HCN4: variants seen among roughly 807,000 people sequenced by gnomAD.
The protein encoded by HCN4 is hyperpolarization activated cyclic nucleotide gated potassium channel 4.
HCN4 carries 29 observed loss-of-function variants against 76.9 expected under a neutral mutation model. The observed-to-expected ratio is 0.38, with a 90% CI of 0.28 to 0.51. HCN4 has a LOEUF of 0.51. Ranked by LOEUF, HCN4 falls within the 20% of genes least tolerant of loss-of-function variation. The pLI is 0.90. For synonymous variants in HCN4, 772 were observed against 762.5 expected (o/e 1.01, Z -0.21); for missense variants, 1,416 against 1,715.2 (o/e 0.83, Z 3.08).
intron 1 of HCN4, among the ~76,000 whole-genome samples, chr15:73,354,518 A>G (rs2043069159): frequency 6.6e-6 from 1 of 152,216 alleles, no homozygotes; most frequent in Admixed American, 6.5e-5. Context: ...ACAAGCACCC[A>G]GGTGATGCTG....
Position 73,332,269 on chromosome 15 carries a change from C to G in HCN4, c.1233G>C (p.Leu411=). The change falls in exon 3 of 8, where the codon CTG becomes CTC. Residue 411 remains leucine, a synonymous_variant. Coordinates refer to ENST00000261917, the MANE Select transcript of HCN4 (RefSeq NM_005477.3). ...WEEIFHMTYD[L]ASAVVRIVNL... ...TCACGATGCGCACCACGGCGCTGGC[C>G]AGGTCGTAGGTCATGTGGAAGATCT... The G allele has an allele frequency of 6.2e-7, 1 of 1,614,206 alleles. No individual in the cohort carries two copies. Among genetic ancestry groups the G allele is most frequent in the Non-Finnish European group, 8.5e-7 (1 of 1,180,038 alleles).
At position 73,353,936 on chromosome 15, in the gene HCN4, C is replaced by A. The variant is rs185890532; in HGVS notation, c.786-10128G>T. Among the ~76,000 whole-genome samples, 15 of 152,268 alleles carry A rather than the reference C, an allele frequency of 9.9e-5. No homozygotes were observed. The East Asian group carries it at 2.9e-3, about 29-fold the overall frequency. On this transcript the variant is annotated intron_variant, in intron 1 of 7. Coordinates refer to ENST00000261917, the MANE Select transcript of HCN4 (RefSeq NM_005477.3). Reference sequence around the variant, plus strand: ...TTCCCTGACCCCAGGGTCTCCCCACCACAATAGATAAATTGCTGTCTTCCT... The same window carrying A: ...TTCCCTGACCCCAGGGTCTCCCCACAACAATAGATAAATTGCTGTCTTCCT...
chr15:73,339,859 C>T (rs2042989758), intron 2 of HCN4, among the ~76,000 whole-genome samples: 1 of 152,166 alleles, frequency 6.6e-6, no homozygotes, highest in Admixed American at 6.5e-5. Flanking sequence ...AGCTGGGAAA[C>T]CCCAGTCCAA....
chr15:73,330,351 C>T (rs1311461409), intron 3 of HCN4, among the ~76,000 whole-genome samples: 1 of 152,234 alleles, frequency 6.6e-6, no homozygotes, highest in Non-Finnish European at 1.5e-5. Flanking sequence ...GGGCTGCGGC[C>T]ACCAGTTCTC....
At chr15:73,360,690 T>C (rs1233593026) in intron 1 of HCN4, among the ~76,000 whole-genome samples, 2 of 152,178 alleles carry the variant, frequency 1.3e-5, no homozygotes, top group African/African-American at 2.4e-5. Context: ...TATAAAACTA[T>C]TTGGAGGCCA....
chr15:73,327,033 C>T (rs1442750529), intron 4 of HCN4, among the ~76,000 whole-genome samples: 1 of 151,776 alleles, frequency 6.6e-6, no homozygotes, highest in Non-Finnish European at 1.5e-5. Context: ...GAAATCAGCT[C>T]GCTTCAGCCT....
intron 2 of HCN4, among the ~76,000 whole-genome samples, chr15:73,332,770 T>G (rs2042940579): frequency 6.6e-6 from 1 of 152,174 alleles, no homozygotes; most frequent in Admixed American, 6.5e-5. Flanking sequence ...GCCACGGAAC[T>G]GCAGAGGAAG....
At chr15:73,327,108 CTT>C (rs975122477) in intron 4 of HCN4, among the ~76,000 whole-genome samples, 32 of 131,052 alleles carry the variant, frequency 2.4e-4, no homozygotes, top group Non-Finnish European at 1.8e-4. Flanking sequence ...TTTTCTTTTT[CTT>C]TTTTTTTTTT....
intron 2 of HCN4, among the ~76,000 whole-genome samples, chr15:73,338,063 A>G (rs577799258): frequency 1.3e-5 from 2 of 150,214 alleles, no homozygotes; most frequent in African/African-American, 2.5e-5. Flanking sequence ...ACATCCATTC[A>G]GGTTAGGGGG....
chr15:73,328,219 A>G lies in HCN4; in HGVS notation c.1590+1354T>C, dbSNP rs1409306218. The stretch of plus-strand genomic sequence containing the variant: ...CTCTAAGTGGTGAGGCTGGACGTGG[A>G]GAGGGTGTCAGGTGGACACCTGGGG... On this transcript the variant is annotated intron_variant, in intron 4 of 7. Coordinates refer to ENST00000261917, the MANE Select transcript of HCN4 (RefSeq NM_005477.3). This position sits in a 1 kb window ranked among gnomAD's most constrained non-coding sequence, Gnocchi z 4.0. 6.6e-6 allele frequency among the ~76,000 whole-genome samples: 1 copy of G among 151,934 alleles called. No individual in the cohort carries two copies. Among genetic ancestry groups the G allele is most frequent in the Non-Finnish European group, 1.5e-5 (1 of 67,984 alleles).
At chr15:73,348,490 A>C (rs895314920) in intron 1 of HCN4, among the ~76,000 whole-genome samples, 2 of 152,254 alleles carry the variant, frequency 1.3e-5, no homozygotes, top group Non-Finnish European at 2.9e-5. Flanking sequence ...TCCTACATGC[A>C]TCCATTTTTA....
Position 73,328,204 on chromosome 15 carries a change from T to C in HCN4, c.1590+1369A>G, listed in dbSNP as rs920492554. On this transcript the variant is annotated intron_variant, in intron 4 of 7. Transcript: ENST00000261917. The surrounding 1 kb of genome is among the most constrained non-coding windows in gnomAD (Gnocchi z 4.0). Reference sequence around the variant, plus strand: ...GGTCACAGACGGCTTCTCTAAGTGGTGAGGCTGGACGTGGAGAGGGTGTCA... The same window carrying C: ...GGTCACAGACGGCTTCTCTAAGTGGCGAGGCTGGACGTGGAGAGGGTGTCA... 6.6e-6 allele frequency among the ~76,000 whole-genome samples: 1 copy of C among 151,572 alleles called. No homozygotes were observed. The highest frequency in any genetic ancestry group is 1.5e-5 in the Non-Finnish European group (1 of 67,902).
rs117554233 is a variant in HCN4, at chr15:73,336,022, A to T, written c.1210-3730T>A. On this transcript the variant is annotated intron_variant, in intron 2 of 7. Transcript: ENST00000261917. Reference sequence around the variant, plus strand: ...AGCTCATAGTCTGGCTGGGGAAGGAAGCCGCACCCAGGAAAGGGACTTGGG... The same window carrying T: ...AGCTCATAGTCTGGCTGGGGAAGGATGCCGCACCCAGGAAAGGGACTTGGG... Among the ~76,000 whole-genome samples, 21 of 152,210 alleles carry T rather than the reference A, an allele frequency of 1.4e-4. 1 individual carries two copies. In the East Asian group the frequency reaches 2.3e-3, roughly 17 times the overall value.
At chr15:73,364,008 C>T (rs942967794) in intron 1 of HCN4, among the ~76,000 whole-genome samples, 1 of 152,112 alleles carries the variant, frequency 6.6e-6, no homozygotes, top group East Asian at 1.9e-4. Flanking sequence ...TCAGGACACC[C>T]CTGGGACCTG....
chr15:73,358,299 G>A, intron 1 of HCN4, among the ~76,000 whole-genome samples: 1 of 152,222 alleles, frequency 6.6e-6, no homozygotes, highest in South Asian at 2.1e-4. Flanking sequence ...GGACCTGAGG[G>A]TCTTTCCTGT....
Position 73,343,521 on chromosome 15 carries a change from A to G in HCN4, c.1073T>C (p.Ile358Thr), listed in dbSNP as rs774060688. The G allele has an allele frequency of 5.6e-6, 9 of 1,614,072 alleles. No individual in the cohort carries two copies. The highest frequency in any genetic ancestry group is 2.7e-5 in the African/African-American group (2 of 74,916). The change falls in exon 2 of 8, where the codon ATT (isoleucine) becomes ACT (threonine). Residue 358 changes from isoleucine to threonine, a missense_variant. By Grantham distance (89) the Ile-to-Thr change is moderately conservative. This residue lies in a region of HCN4 where 112 missense variants were observed against 259.9 expected (regional missense o/e 0.43). Coordinates refer to ENST00000261917, the MANE Select transcript of HCN4 (RefSeq NM_005477.3). This position sits in a 1 kb window ranked among gnomAD's most constrained non-coding sequence, Gnocchi z 5.7. Reference sequence around the variant, plus strand: ...CTCCGAGTCGATGCGTGTCTCCACAATGAGGAAGATGTAGTCCACGGGGAT... The same window carrying G: ...CTCCGAGTCGATGCGTGTCTCCACAGTGAGGAAGATGTAGTCCACGGGGAT... ...SSIPVDYIFLIVETRIDSEVY... is the reference protein window; with the variant it reads ...SSIPVDYIFLTVETRIDSEVY...
intron 6 of HCN4, 28 bp from the exon 7 acceptor site, chr15:73,324,281 G>A: frequency 6.2e-7 from 1 of 1,612,260 alleles, no homozygotes; most frequent in Non-Finnish European, 8.5e-7. Context: ...CTCAGGATGA[G>A]GCATGCACAG....
chr15:73,324,855 T>C (rs748496758), intron 6 of HCN4, 100 bp downstream of exon 6: 1 of 1,459,098 alleles, frequency 6.9e-7, no homozygotes, highest in African/African-American at 1.4e-5. Context: ...CTCCAGGCTG[T>C]GGCCAAGAAG....
rs1210828492 is a variant in HCN4, at chr15:73,323,732, G to A, written c.2361C>T (p.Ala787=). 8.1e-6 allele frequency: 13 copies of A among 1,603,648 alleles called. No homozygotes were observed. The highest frequency in any genetic ancestry group is 1.1e-5 in the Non-Finnish European group (13 of 1,175,240). ...LIQAPLQAAA[A]TTSVAIALTH... is the part of the protein sequence containing the mutation. ...TGAGGGCTATGGCCACAGAAGTGGT[G>A]GCAGCGGCAGCCTGCAGTGGTGCCT... The change falls in exon 8 of 8, where the codon GCC becomes GCT. Residue 787 remains alanine (A), a synonymous_variant. Coordinates refer to ENST00000261917, the MANE Select transcript of HCN4 (RefSeq NM_005477.3).
Sources: allele counts gnomAD v4.1 joint callset (sites outside exome capture counted in the v4.1 genomes callset), GRCh38; gene constraint gnomAD v4.1.1; regional missense constraint gnomAD v4.1.1; non-coding constraint Gnocchi (gnomAD v3.1); transcripts MANE v1.5; gene names NCBI Gene and HGNC (gene_info 2026-07-23, HGNC 2026-07-21).